Variants in REG3A observed in about 807,000 individuals in gnomAD.
The protein encoded by REG3A is regenerating islet-derived protein 3-alpha.
In REG3A, 15 loss-of-function variants were observed where a neutral mutation model predicts 20.5. The ratio of observed to expected loss-of-function variants is 0.73; its 90% CI spans 0.49 to 1.12. The LOEUF (loss-of-function observed/expected upper bound fraction) is 1.12, where lower values mean the gene tolerates loss of function less well. Among genes scored for constraint, REG3A ranks in the 50% most tolerant of loss-of-function variants. REG3A has a pLI of 0.00. For synonymous variants in REG3A, 93 were observed against 83.2 expected (o/e 1.12, Z -0.64); for missense variants, 224 against 213.1 (o/e 1.05, Z -0.32).
At position 79,158,721 on chromosome 2, in the gene REG3A, T is replaced by C. The variant is rs1558558636; in HGVS notation, c.125A>G (p.Lys42Arg). ...ELPSARIRCP[K>R]GSKAYGSHCY... ...GTGGGAGCCATAGGCCTTGGAGCCT[T>C]TGGGACAGCGGATCCGTGCAGAGGG... is the stretch of plus-strand genomic sequence containing the variant. Residue 42 changes from lysine (K) to arginine (R), a missense_variant, in exon 3 of 6, where the codon AAA becomes AGA. Lys to Arg is a conservative substitution (Grantham distance 26). Coordinates refer to ENST00000305165, the MANE Select transcript of REG3A (RefSeq NM_002580.3). 1 of 1,613,932 alleles carries C rather than the reference T, an allele frequency of 6.2e-7. No homozygotes were observed. The highest frequency in any genetic ancestry group is 1.3e-5 in the African/African-American group (1 of 74,972).
chr2:79,158,702 G>A lies in REG3A; in HGVS notation c.144C>T (p.Gly48=), dbSNP rs1673375469. The A allele has an allele frequency of 1.2e-6, 2 of 1,614,012 alleles. No individual in the cohort carries two copies. The highest frequency in any genetic ancestry group is 8.5e-7 in the Non-Finnish European group (1 of 1,180,030). ...IRCPKGSKAY[G]SHCYALFLSP... ...ACAAAAACAAGGCATAGCAGTGGGA[G>A]CCATAGGCCTTGGAGCCTTTGGGAC... The change falls in exon 3 of 6, where the codon GGC becomes GGT. Residue 48 remains glycine (G), a synonymous_variant. Transcript: ENST00000305165.
In REG3A at chr2:79,157,080, G is replaced by T; in HGVS notation, c.*146C>A. The T allele has an allele frequency of 1.5e-6, 1 of 676,044 alleles. No homozygotes were observed. The allele number at this position is 676,044 out of a possible 1,614,324, so 41.9% of individuals were successfully genotyped here. A position where few individuals can be genotyped will look rare whatever the true frequency, so the allele number is the denominator to read the frequency against. ...AATGAAGAGACTGAAATGACAGCGG[G>T]GAGGAAGAAACAGAAGAAAGATAAG... On this transcript the variant is annotated 3_prime_UTR_variant, in exon 6 of 6. Transcript: ENST00000305165.
chr2:79,159,568 T>C (rs977373960), intron 1 of REG3A, 129 bp from the exon 2 acceptor site: 5 of 683,272 alleles, frequency 7.3e-6, no homozygotes, highest in African/African-American at 7.2e-5. Flanking sequence ...CTGAATGAGT[T>C]GTGAATCTGT....
In REG3A at chr2:79,158,470, G is replaced by A. The variant is rs1673367174; in HGVS notation, c.196-7C>T. The A allele has an allele frequency of 2.5e-6, 4 of 1,613,926 alleles. No individual in the cohort carries two copies. The East Asian group carries it at 8.9e-5, about 36-fold the overall frequency. On this transcript the variant is annotated splice_polypyrimidine_tract_variant and splice_region_variant and intron_variant, in intron 3 of 5. Coordinates refer to ENST00000305165, the MANE Select transcript of REG3A (RefSeq NM_002580.3). ...GCCGCTTCTGGCAGGCCAGCTTTGA[G>A]GGCAACAAAGAGAATGAGAGGGAGC...
chr2:79,158,488 G>C (rs1362946524), intron 3 of REG3A, 25 bp from the exon 4 acceptor site: 4 of 1,613,344 alleles, frequency 2.5e-6, no homozygotes, highest in African/African-American at 1.3e-5. Flanking sequence ...AAGAGAATGA[G>C]AGGGAGCCTG....
At chr2:79,159,470 A>G in intron 1 of REG3A, 31 bp from the exon 2 acceptor site, 1 of 1,492,154 alleles carries the variant, frequency 6.7e-7, no homozygotes, top group South Asian at 1.1e-5. Flanking sequence ...GGGAGAACAC[A>G]CAGATACCCC....
chr2:79,158,897 T>C, intron 2 of REG3A, 128 bp from the exon 3 acceptor site: 1 of 692,100 alleles, frequency 1.4e-6, no homozygotes, highest in Non-Finnish European at 2.5e-6. Context: ...TCATCTTCCC[T>C]TATGTTTTCA....
At position 79,157,216 on chromosome 2, in the gene REG3A, C is replaced by T. The variant is rs756354351; in HGVS notation, c.*10G>A. On this transcript the variant is annotated 3_prime_UTR_variant, in exon 6 of 6. Transcript: ENST00000305165. ...CACACCAAACACAGGCTGCTGACTT[C>T]CCTCCTGCACTAGTCAGTGAACTTG... 1.5e-5 allele frequency: 24 copies of T among 1,611,682 alleles called. No homozygotes were observed. The Middle Eastern group carries it at 6.6e-4, about 44-fold the overall frequency.
chr2:79,157,089 A>C lies in REG3A; in HGVS notation c.*137T>G. On this transcript the variant is annotated 3_prime_UTR_variant, in exon 6 of 6. Transcript: ENST00000305165. ...ACTGAAATGACAGCGGGGAGGAAGA[A>C]ACAGAAGAAAGATAAGAATGAGGTG... 1.4e-6 allele frequency: 1 copy of C among 704,278 alleles called. No homozygotes were observed. 43.6% of individuals were successfully genotyped at this position (704,278 alleles called of 1,614,324 possible). A position where few individuals can be genotyped will look rare whatever the true frequency, so the allele number is the denominator to read the frequency against.
rs771324295 is a variant in REG3A, at chr2:79,158,710, C to T, written c.136G>A (p.Ala46Thr). The T allele has an allele frequency of 1.9e-6, 3 of 1,614,070 alleles. No individual in the cohort carries two copies. The highest frequency in any genetic ancestry group is 1.1e-5 in the South Asian group (1 of 91,070). ...AAGGCATAGCAGTGGGAGCCATAGGCCTTGGAGCCTTTGGGACAGCGGATC... is the reference window on the plus strand; with the variant it reads ...AAGGCATAGCAGTGGGAGCCATAGGTCTTGGAGCCTTTGGGACAGCGGATC... ...ARIRCPKGSKAYGSHCYALFL... is the reference protein window; with the variant it reads ...ARIRCPKGSKTYGSHCYALFL... The change falls in exon 3 of 6, where the codon GCC becomes ACC. Residue 46 changes from alanine (A) to threonine (T), a missense_variant. By Grantham distance (58) the Ala-to-Thr change is moderately conservative. Coordinates refer to ENST00000305165, the MANE Select transcript of REG3A (RefSeq NM_002580.3).
intron 4 of REG3A, among the ~76,000 whole-genome samples, 157 bp from the exon 5 acceptor site, chr2:79,157,855 C>T (rs903993809): frequency 1.3e-5 from 2 of 152,166 alleles, no homozygotes; most frequent in African/African-American, 2.4e-5. Context: ...TCCTTGACTC[C>T]TCATTGCTAT....
At chr2:79,159,524 G>T (rs1165222625) in intron 1 of REG3A, 85 bp from the exon 2 acceptor site, 2 of 947,356 alleles carry the variant, frequency 2.1e-6, no homozygotes, top group African/African-American at 1.6e-5. Flanking sequence ...TAGGACTAAA[G>T]TGATCTTGGT....
intron 4 of REG3A, 115 bp downstream of exon 4, chr2:79,158,211 A>C: frequency 8.0e-7 from 1 of 1,248,608 alleles, no homozygotes; most frequent in Non-Finnish European, 1.1e-6. Context: ...ATTCCCCAGA[A>C]TCTGAGCTCC....
chr2:79,159,288 G>A (rs1673391399), intron 2 of REG3A, 42 bp downstream of exon 2: 1 of 1,598,796 alleles, frequency 6.3e-7, no homozygotes, highest in Admixed American at 1.7e-5. Context: ...TTAGCTCTGA[G>A]GATTCATAGG....
At position 79,158,372 on chromosome 2, in the gene REG3A, C is replaced by T; in HGVS notation, c.287G>A (p.Gly96Asp). Residue 96 changes from glycine (G) to aspartate (D), a missense_variant, in exon 4 of 6, where the codon GGT becomes GAT. Physicochemically the swap from Gly to Asp is moderately conservative, Grantham distance 94 (BLOSUM62 -1). Transcript: ENST00000305165. ...AATCCAGACGTATGAGTAGCTGTTA[C>T]CAATGCTCTTCACCAGGGAGGACAC... Reference protein sequence around the residue: ...SFVSSLVKSIGNSYSYVWIGL... With the variant: ...SFVSSLVKSIDNSYSYVWIGL... The T allele has an allele frequency of 1.2e-6, 2 of 1,614,102 alleles. No individual in the cohort carries two copies. Among genetic ancestry groups the T allele is most frequent in the Non-Finnish European group, 1.7e-6 (2 of 1,180,006 alleles).
At chr2:79,159,193 G>A in intron 2 of REG3A, 137 bp downstream of exon 2, 2 of 863,278 alleles carry the variant, frequency 2.3e-6, no homozygotes, top group South Asian at 3.2e-5. Flanking sequence ...CCTGAAGGAA[G>A]GAGAGATGAT....
At chr2:79,157,799 A>G in intron 4 of REG3A, 101 bp from the exon 5 acceptor site, 1 of 1,474,526 alleles carries the variant, frequency 6.8e-7, no homozygotes, top group African/African-American at 1.4e-5. Flanking sequence ...CAGCATGAGG[A>G]AAGTTGGTCT....
chr2:79,157,063 G>C lies in REG3A; in HGVS notation c.*163C>G. ...CTTAGGCCGTATGACAAAATGAAGA[G>C]ACTGAAATGACAGCGGGGAGGAAGA... On this transcript the variant is annotated 3_prime_UTR_variant, in exon 6 of 6. Coordinates refer to ENST00000305165, the MANE Select transcript of REG3A (RefSeq NM_002580.3). 4.7e-6 allele frequency: 3 copies of C among 639,582 alleles called. No individual in the cohort carries two copies. The highest frequency in any genetic ancestry group is 8.3e-6 in the Non-Finnish European group (3 of 361,718). 39.6% of individuals were successfully genotyped at this position (639,582 alleles called of 1,614,324 possible). A position where few individuals can be genotyped will look rare whatever the true frequency, so the allele number is the denominator to read the frequency against.
chr2:79,157,391 C>T, intron 5 of REG3A, 98 bp from the exon 6 acceptor site: 2 of 1,453,966 alleles, frequency 1.4e-6, no homozygotes, highest in South Asian at 1.2e-5. Context: ...AAAGCCTCTC[C>T]CTCACCTTCA....
Sources: gnomAD v4.1 joint callset for allele counts (sites outside exome capture counted in the v4.1 genomes callset) on GRCh38, gnomAD v4.1.1 for gene constraint, MANE v1.5 for transcripts, NCBI Gene and HGNC (gene_info 2026-07-23, HGNC 2026-07-21) for gene names.